Variants in RASA1 observed in about 807,000 individuals in gnomAD.
The protein encoded by RASA1 is RAS p21 protein activator 1.
Under a neutral mutation model 132.2 loss-of-function variants are expected in RASA1, and 25 were observed. That is an observed-to-expected ratio of 0.19 (90% CI 0.14 to 0.26). The LOEUF (loss-of-function observed/expected upper bound fraction) is 0.26. Ranked by LOEUF, RASA1 falls within the 10% of genes least tolerant of loss-of-function variation. The probability of loss-of-function intolerance (pLI) is 1.00; values close to 1 mark genes in which losing one functional copy is unlikely to be tolerated. For synonymous variants in RASA1, 477 were observed against 449.9 expected (o/e 1.06, Z -0.76); for missense variants, 964 against 1,299.2 (o/e 0.74, Z 3.97).
intron 1 of RASA1, among the ~76,000 whole-genome samples, chr5:87,309,829 G>T (rs922608014): frequency 6.6e-6 from 1 of 152,070 alleles, no homozygotes; most frequent in Non-Finnish European, 1.5e-5. Flanking sequence ...AATTTGGCAT[G>T]GTTTGGGATT....
intron 1 of RASA1, among the ~76,000 whole-genome samples, chr5:87,304,939 C>CTTTTTTT (rs756572506): frequency 1.6e-4 from 10 of 64,408 alleles, no homozygotes; most frequent in South Asian, 8.4e-4. Flanking sequence ...TCTTTTAGTC[C>CTTTTTTT]TTTTTTTTTT....
At chr5:87,381,317 C>T (rs1285493511) in intron 20 of RASA1, among the ~76,000 whole-genome samples, 7 of 152,192 alleles carry the variant, frequency 4.6e-5, no homozygotes, top group Admixed American at 3.9e-4. Context: ...ATCTGATATC[C>T]TTGAGTCTTA....
At chr5:87,336,199 G>A (rs2112380992) in intron 4 of RASA1, among the ~76,000 whole-genome samples, 1 of 152,196 alleles carries the variant, frequency 6.6e-6, no homozygotes, top group Non-Finnish European at 1.5e-5. Context: ...CACTAAATTT[G>A]TAAAAGTATC....
At chr5:87,371,983 C>A in intron 12 of RASA1, 135 bp from the exon 13 acceptor site, 1 of 629,812 alleles carries the variant, frequency 1.6e-6, no homozygotes. Context: ...TTATGAAGTA[C>A]AGTATAGTCT....
chr5:87,372,193 C>A lies in RASA1; in HGVS notation c.1774C>A (p.Gln592Lys), dbSNP rs1173108838. ...AGGGACATCCAATAAACGCCTTCGT[C>A]AGGTGAAGCTTAATTTTCTTGGATT... ...SPGTSNKRLRQVSSLVLHIEE... is the reference protein window; with the variant it reads ...SPGTSNKRLRKVSSLVLHIEE... Residue 592 changes from glutamine to lysine, a missense_variant and splice_region_variant, in exon 13 of 25, where the codon CAG becomes AAG. By Grantham distance (53) the Gln-to-Lys change is moderately conservative. Coordinates refer to ENST00000274376, the MANE Select transcript of RASA1 (RefSeq NM_002890.3). 1.1e-5 allele frequency: 17 copies of A among 1,612,898 alleles called. No homozygotes were observed. Among genetic ancestry groups the A allele is most frequent in the Non-Finnish European group, 9.3e-6 (11 of 1,179,120 alleles).
At chr5:87,287,433 C>CAT (rs1290554339) in intron 1 of RASA1, among the ~76,000 whole-genome samples, 16 of 136,426 alleles carry the variant, frequency 1.2e-4, no homozygotes, top group Non-Finnish European at 1.3e-4. Context: ...ATATACACAC[C>CAT]ATATATATAC....
intron 1 of RASA1, among the ~76,000 whole-genome samples, chr5:87,301,307 C>T (rs927152355): frequency 1.3e-5 from 2 of 152,054 alleles, no homozygotes; most frequent in African/African-American, 4.8e-5. Context: ...TAGAGTTTTT[C>T]TGTATTTAGA....
intron 1 of RASA1, among the ~76,000 whole-genome samples, chr5:87,281,603 C>G (rs555639225): frequency 6.6e-6 from 1 of 151,220 alleles, no homozygotes; most frequent in Admixed American, 6.6e-5. Context: ...TTTTTTGAGA[C>G]GGAGGCTTGT....
chr5:87,285,884 G>A (rs1407218140), intron 1 of RASA1, among the ~76,000 whole-genome samples: 37 of 151,968 alleles, frequency 2.4e-4, no homozygotes, highest in Admixed American at 2.4e-3. Flanking sequence ...CTCCCAGAGT[G>A]CTGGGATTAC....
At chr5:87,320,737 G>A (rs1384306843) in intron 1 of RASA1, among the ~76,000 whole-genome samples, 1 of 152,182 alleles carries the variant, frequency 6.6e-6, no homozygotes. Flanking sequence ...CCATATCAGA[G>A]GGAGGTAATG....
chr5:87,333,185 T>G, intron 3 of RASA1, 82 bp from the exon 4 acceptor site: 1 of 1,545,844 alleles, frequency 6.5e-7, no homozygotes, highest in South Asian at 1.2e-5. Context: ...TGAATTTTTA[T>G]TGGCTTTATG....
Position 87,389,463 on chromosome 5 carries a change from A to G in RASA1, c.2996A>G (p.His999Arg). The G allele has an allele frequency of 6.2e-7, 1 of 1,614,204 alleles. No homozygotes were observed. Among genetic ancestry groups the G allele is most frequent in the Non-Finnish European group, 8.5e-7 (1 of 1,180,006 alleles). The change falls in exon 24 of 25, where the codon CAT (histidine) becomes CGT (arginine). Residue 999 changes from histidine to arginine, a missense_variant. Transcript: ENST00000274376. ...CTGTCCCGTGATTTAGCAGCATTGC[A>G]TGAGATTTGCGTGGCTCATTCAGAT... ...TDLSRDLAAL[H>R]EICVAHSDEL...
chr5:87,384,918 TA>T (rs1414780410), intron 21 of RASA1, among the ~76,000 whole-genome samples: 2 of 152,132 alleles, frequency 1.3e-5, no homozygotes, highest in African/African-American at 4.8e-5. Flanking sequence ...CTCAGATTGC[TA>T]ACCTGAGTAG....
chr5:87,312,591 C>T (rs944809624), intron 1 of RASA1, among the ~76,000 whole-genome samples: 1 of 152,154 alleles, frequency 6.6e-6, no homozygotes, highest in Non-Finnish European at 1.5e-5. Flanking sequence ...TTCGCTGGGT[C>T]TCCTCTTTCT....
At chr5:87,272,228 A>G (rs1753876636) in intron 1 of RASA1, among the ~76,000 whole-genome samples, 1 of 152,060 alleles carries the variant, frequency 6.6e-6, no homozygotes, top group Non-Finnish European at 1.5e-5. Flanking sequence ...CCATTACTAC[A>G]TGTATTTGGA....
chr5:87,319,341 C>G (rs897479692), intron 1 of RASA1, among the ~76,000 whole-genome samples: 7 of 152,252 alleles, frequency 4.6e-5, no homozygotes, highest in African/African-American at 1.7e-4. Context: ...ACATTTCCCC[C>G]TCTGCACTGC....
rs1762525555 is a variant in RASA1 at position 87,391,604 on chromosome 5, A to C, written c.*721A>C. The C allele has an allele frequency of 4.3e-6, 1 of 234,644 alleles. No individual in the cohort carries two copies. Among genetic ancestry groups the C allele is most frequent in the Non-Finnish European group, 8.4e-6 (1 of 118,900 alleles). The allele number at this position is 234,644 out of a possible 1,614,324, so 14.5% of individuals were successfully genotyped here. On this transcript the variant is annotated 3_prime_UTR_variant, in exon 25 of 25. Coordinates refer to ENST00000274376, the MANE Select transcript of RASA1 (RefSeq NM_002890.3). The stretch of plus-strand genomic sequence containing the variant: ...TAAATGTTTACAAGTAAATAGTTTG[A>C]ATTCAGTAAATATTATTGGTTGTTG...
chr5:87,283,908 T>TG (rs1473370981), intron 1 of RASA1, among the ~76,000 whole-genome samples: 2 of 152,138 alleles, frequency 1.3e-5, no homozygotes, highest in African/African-American at 4.8e-5. Context: ...TCAGTATTTA[T>TG]GGATATTCAT....
chr5:87,325,518 ACTTC>A (rs1757167891), intron 1 of RASA1, among the ~76,000 whole-genome samples: 1 of 152,230 alleles, frequency 6.6e-6, no homozygotes, highest in Non-Finnish European at 1.5e-5. Flanking sequence ...TTGTAGAATA[ACTTC>A]AGAAGTTTGT....
Sources: allele counts gnomAD v4.1 joint callset (sites outside exome capture counted in the v4.1 genomes callset), GRCh38; gene constraint gnomAD v4.1.1; transcripts MANE v1.5; gene names NCBI Gene and HGNC (gene_info 2026-07-23, HGNC 2026-07-21).